Variants in EDIL3 observed in about 807,000 individuals in gnomAD.
EDIL3 encodes EGF like and discoidin domains 3.
EDIL3 carries 37 observed loss-of-function variants against 67.4 expected under a neutral mutation model. That is an observed-to-expected ratio of 0.55 (90% CI 0.42 to 0.72). The LOEUF (loss-of-function observed/expected upper bound fraction) is 0.72, where lower values mean the gene tolerates loss of function less well. EDIL3 is among the 30% of genes least tolerant of loss of function. The pLI is 0.00. For missense variants in EDIL3, 527 were observed against 586.3 expected, an observed-to-expected ratio of 0.90 and a Z score of 1.04; for synonymous variants, 195 against 196.3, an observed-to-expected ratio of 0.99 and a Z score of 0.05.
At position 84,137,325 on chromosome 5, in the gene EDIL3, T is replaced by G. The variant is rs774566389; in HGVS notation, c.385A>C (p.Lys129Gln). 4.3e-6 allele frequency: 7 copies of G among 1,613,410 alleles called. No homozygotes were observed. The highest frequency in any genetic ancestry group is 5.9e-6 in the Non-Finnish European group (7 of 1,179,834). The change falls in exon 5 of 11, where the codon AAA becomes CAA. Residue 129 changes from lysine (K) to glutamine (Q), a missense_variant. Coordinates refer to ENST00000296591, the MANE Select transcript of EDIL3 (RefSeq NM_005711.5). ...NINECEVEPC[K>Q]NGGICTDLVA... ...AGATCTGTACATATTCCACCATTTT[T>G]GCAAGGCTCAACTTCGCATTCATTT...
intron 1 of EDIL3, among the ~76,000 whole-genome samples, chr5:84,254,962 T>C (rs994643476): frequency 5.9e-5 from 9 of 152,130 alleles, no homozygotes; most frequent in Non-Finnish European, 1.5e-5. Context: ...TGTGTAACAA[T>C]TGATAAAGCT....
chr5:84,226,835 C>T (rs1744461483), intron 3 of EDIL3, among the ~76,000 whole-genome samples: 1 of 151,856 alleles, frequency 6.6e-6, no homozygotes. Flanking sequence ...CTATGATGTG[C>T]ACATCACTCT....
At position 84,371,341 on chromosome 5, in the gene EDIL3, A is replaced by ATATATATATATATATG. The variant is rs1008172581; in HGVS notation, c.67+12966_67+12967insCATATATATATATATA. Reference sequence around the variant, plus strand: ...AAAGTATATATATATATATATATATATGTGTGTGTGTATATATATGTGTGT... The same window carrying ATATATATATATATATG: ...AAAGTATATATATATATATATATATATATATATATATATATGTGTGTGTGTGTATATATATGTGTGT... On this transcript the variant is annotated intron_variant, in intron 1 of 10. Coordinates refer to ENST00000296591, the MANE Select transcript of EDIL3 (RefSeq NM_005711.5). Among the ~76,000 whole-genome samples, 52 of 129,700 alleles carry ATATATATATATATATG rather than the reference A, an allele frequency of 4.0e-4. 2 individuals are homozygous for ATATATATATATATATG. The highest frequency in any genetic ancestry group is 4.1e-3 in the Middle Eastern group (1 of 246). The allele number at this position is 129,700 out of a possible 152,430, so 85.1% of individuals were successfully genotyped here.
chr5:84,001,759 GA>G (rs1290925653), intron 9 of EDIL3, among the ~76,000 whole-genome samples: 1 of 152,030 alleles, frequency 6.6e-6, no homozygotes, highest in Non-Finnish European at 1.5e-5. Flanking sequence ...TGAATAGATT[GA>G]AGCCATAATA....
intron 3 of EDIL3, among the ~76,000 whole-genome samples, chr5:84,186,661 T>C (rs1743460886): frequency 6.6e-6 from 1 of 152,090 alleles, no homozygotes; most frequent in African/African-American, 2.4e-5. Context: ...ATATTCTTAA[T>C]TTTAGCAGCC....
intron 2 of EDIL3, among the ~76,000 whole-genome samples, chr5:84,235,176 G>C (rs1317917681): frequency 2.0e-5 from 3 of 152,070 alleles, no homozygotes; most frequent in Non-Finnish European, 4.4e-5. Flanking sequence ...TGGCCCAACT[G>C]GGATATGACT....
rs1199008130 is a variant in EDIL3 at position 84,208,309 on chromosome 5, C to T, written c.226+21546G>A. 2.0e-5 allele frequency among the ~76,000 whole-genome samples: 3 copies of T among 152,010 alleles called. No homozygotes were observed. In the South Asian group the frequency reaches 6.2e-4, roughly 31 times the overall value. ...GACACATGAAAAAATGCTCATCATC[C>T]CTGGCCATCAGAGAAATGCAAATCA... On this transcript the variant is annotated intron_variant, in intron 3 of 10. Transcript: ENST00000296591.
chr5:83,962,579 G>A (rs1447266364), intron 10 of EDIL3, among the ~76,000 whole-genome samples: 1 of 151,376 alleles, frequency 6.6e-6, no homozygotes, highest in African/African-American at 2.4e-5. Context: ...GTGTATAGAG[G>A]TATGTATATA....
intron 3 of EDIL3, among the ~76,000 whole-genome samples, chr5:84,203,198 T>G (rs561154593): frequency 1.3e-5 from 2 of 152,288 alleles, no homozygotes; most frequent in African/African-American, 4.8e-5. Context: ...AATAGATAAC[T>G]TGAGAGGCAA....
At chr5:84,293,832 T>C (rs1342664871) in intron 1 of EDIL3, among the ~76,000 whole-genome samples, 2 of 151,828 alleles carry the variant, frequency 1.3e-5, no homozygotes, top group Non-Finnish European at 2.9e-5. Context: ...TGAAAACAAT[T>C]CAATACGATG....
chr5:84,333,005 A>G (rs1746907388), intron 1 of EDIL3, among the ~76,000 whole-genome samples: 1 of 152,324 alleles, frequency 6.6e-6, no homozygotes, highest in Middle Eastern at 3.4e-3. Flanking sequence ...GCACTAACAC[A>G]TTCTATTTGT....
chr5:84,059,356 T>C (rs1746503237), intron 9 of EDIL3, among the ~76,000 whole-genome samples: 1 of 152,132 alleles, frequency 6.6e-6, no homozygotes, highest in Non-Finnish European at 1.5e-5. Context: ...TGAGCTATGA[T>C]TGCACTACTG....
chr5:84,186,160 C>T (rs907952217), intron 3 of EDIL3, among the ~76,000 whole-genome samples: 5 of 151,734 alleles, frequency 3.3e-5, no homozygotes, highest in African/African-American at 1.2e-4. Flanking sequence ...TGTGGTTACC[C>T]CCATTCCATA....
At chr5:84,176,185 TATATATATATATA>T (rs1451732168) in intron 4 of EDIL3, among the ~76,000 whole-genome samples, 2 of 37,874 alleles carry the variant, frequency 5.3e-5, no homozygotes, top group African/African-American at 2.1e-4. Flanking sequence ...GTAAAAAATA[TATATATATATATA>T]ATATATATAT....
chr5:83,996,435 C>G (rs1745239542), intron 9 of EDIL3, among the ~76,000 whole-genome samples: 1 of 152,168 alleles, frequency 6.6e-6, no homozygotes, highest in Admixed American at 6.6e-5. Flanking sequence ...AAAAAATGCA[C>G]TCACCCTGTA....
At chr5:84,069,384 T>G (rs898599603) in intron 6 of EDIL3, among the ~76,000 whole-genome samples, 1 of 152,182 alleles carries the variant, frequency 6.6e-6, no homozygotes, top group Non-Finnish European at 1.5e-5. Context: ...TTTTGTCACT[T>G]CCGACCTATA....
At chr5:84,067,805 T>G (rs762069529) in intron 6 of EDIL3, among the ~76,000 whole-genome samples, 4 of 152,226 alleles carry the variant, frequency 2.6e-5, no homozygotes, top group Admixed American at 1.3e-4. Context: ...CACAAGGTGA[T>G]TCTCAGTCTT....
chr5:84,163,551 T>TA (rs1387183137), intron 4 of EDIL3, among the ~76,000 whole-genome samples: 2 of 152,066 alleles, frequency 1.3e-5, no homozygotes, highest in African/African-American at 4.8e-5. Flanking sequence ...ACTTTATTAA[T>TA]AAAAAAGTCA....
At chr5:84,048,040 C>T (rs67608132) in intron 9 of EDIL3, 30,502 of 160,142 alleles carry the variant, frequency 0.19, 3,234 homozygotes, top group Admixed American at 0.24. Context: ...GAGCATCCTT[C>T]GATTCACTTA....
Sources: gnomAD v4.1 joint callset for allele counts (sites outside exome capture counted in the v4.1 genomes callset) on GRCh38, gnomAD v4.1.1 for gene constraint, MANE v1.5 for transcripts, NCBI Gene and HGNC (gene_info 2026-07-23, HGNC 2026-07-21) for gene names.